The following NBEA variants were observed in gnomAD, a reference collection of about 807,000 sequenced individuals.
NBEA encodes the protein neurobeachin.
NBEA carries 44 observed loss-of-function variants against 343.4 expected under a neutral mutation model. That is an observed-to-expected ratio of 0.13 (90% CI 0.10 to 0.16). The LOEUF (loss-of-function observed/expected upper bound fraction) is 0.16, where lower values mean the gene tolerates loss of function less well. Ranked by LOEUF, NBEA falls within the 10% of genes least tolerant of loss-of-function variation. The probability of loss-of-function intolerance (pLI) is 1.00; values close to 1 mark genes in which losing one functional copy is unlikely to be tolerated. For missense variants in NBEA, 2,555 were observed against 3,631.3 expected (o/e 0.70, Z 7.62); for synonymous variants, 1,175 against 1,238.7 (o/e 0.95, Z 1.08).
intron 41 of NBEA, among the ~76,000 whole-genome samples, chr13:35,547,680 G>C (rs956083781): frequency 6.6e-6 from 1 of 152,114 alleles, no homozygotes; most frequent in African/African-American, 2.4e-5. Flanking sequence ...TTGAGATCAG[G>C]AGTTCGAGAC....
intron 1 of NBEA, among the ~76,000 whole-genome samples, chr13:34,991,115 A>G (rs1203485620): frequency 6.6e-6 from 1 of 152,204 alleles, no homozygotes; most frequent in African/African-American, 2.4e-5. Context: ...ACAAGTCTTT[A>G]GAAAGTTCCA....
intron 44 of NBEA, among the ~76,000 whole-genome samples, chr13:35,557,370 G>C: frequency 6.6e-6 from 1 of 152,104 alleles, no homozygotes. Context: ...AAAGGTTGCT[G>C]TGTCTAAATC....
At chr13:35,161,171 G>A (rs1256589307) in intron 22 of NBEA, among the ~76,000 whole-genome samples, 2 of 151,814 alleles carry the variant, frequency 1.3e-5, no homozygotes, top group Admixed American at 6.6e-5. Context: ...ATCGTGCGTT[G>A]TTTATTGAAC....
chr13:35,230,810 C>T (rs1284954896), intron 33 of NBEA, among the ~76,000 whole-genome samples: 1 of 151,960 alleles, frequency 6.6e-6, no homozygotes, highest in East Asian at 1.9e-4. Flanking sequence ...AAGTGTGTTT[C>T]CTGGATCAGC....
chr13:35,665,283 T>G, intron 56 of NBEA, 97 bp downstream of exon 56: 2 of 964,330 alleles, frequency 2.1e-6, no homozygotes, highest in Non-Finnish European at 3.2e-6. Flanking sequence ...AAGCTTCCCA[T>G]AGACAAATGG....
Position 35,143,890 on chromosome 13 carries a change from TCAAAAAAAAAAA to T in NBEA, c.2445+1532_2445+1543del, listed in dbSNP as rs551071924. Among the ~76,000 whole-genome samples, 465 of 135,278 alleles carry T rather than the reference TCAAAAAAAAAAA, an allele frequency of 3.4e-3. 3 individuals carry two copies. Among genetic ancestry groups the T allele is most frequent in the South Asian group, 5.8e-3 (23 of 3,962 alleles). 88.7% of individuals were successfully genotyped at this position (135,278 alleles called of 152,430 possible). On this transcript the variant is annotated intron_variant, in intron 18 of 58. Transcript: ENST00000379939. ...GTGACAAAGTGAGACCCTGTCCCCT[TCAAAAAAAAAAA>T]CAAAAAAAAAAACAAAAACAAATTT...
At chr13:35,488,538 G>A (rs1393665022) in intron 41 of NBEA, among the ~76,000 whole-genome samples, 1 of 151,814 alleles carries the variant, frequency 6.6e-6, no homozygotes, top group Non-Finnish European at 1.5e-5. Flanking sequence ...TCAATGACTA[G>A]CAAACTAATA....
At chr13:35,637,650 C>T (rs1470484109) in intron 49 of NBEA, among the ~76,000 whole-genome samples, 2 of 151,854 alleles carry the variant, frequency 1.3e-5, no homozygotes, top group Admixed American at 6.6e-5. Context: ...GGTGAAACTC[C>T]GTCTCTACTA....
intron 34 of NBEA, among the ~76,000 whole-genome samples, chr13:35,261,859 A>G (rs2033245465): frequency 6.6e-6 from 1 of 152,200 alleles, no homozygotes; most frequent in Non-Finnish European, 1.5e-5. Flanking sequence ...TATAAATCCT[A>G]ATATCCAAGA....
At chr13:35,488,270 G>C (rs1004371795) in intron 41 of NBEA, among the ~76,000 whole-genome samples, 4 of 151,848 alleles carry the variant, frequency 2.6e-5, no homozygotes, top group Admixed American at 6.6e-5. Flanking sequence ...CTCAGTTTAA[G>C]TGTAGAAGGA....
intron 1 of NBEA, among the ~76,000 whole-genome samples, chr13:34,977,709 G>C (rs891947733): frequency 2.6e-5 from 4 of 152,198 alleles, no homozygotes; most frequent in Admixed American, 1.3e-4. Flanking sequence ...TTCCCCTCCA[G>C]ATGAAGGCTA....
intron 36 of NBEA, among the ~76,000 whole-genome samples, chr13:35,342,756 A>G (rs1396482299): frequency 3.9e-5 from 6 of 152,004 alleles, no homozygotes; most frequent in Admixed American, 3.9e-4. Flanking sequence ...ATAGCAATGA[A>G]AAGAGTAGAA....
intron 5 of NBEA, among the ~76,000 whole-genome samples, chr13:35,049,886 A>G (rs2063004985): frequency 6.6e-6 from 1 of 151,594 alleles, no homozygotes; most frequent in African/African-American, 2.4e-5. Flanking sequence ...AGCTATTTTC[A>G]AAGGTATACC....
chr13:35,040,368 T>TC (rs2062604772), intron 1 of NBEA, among the ~76,000 whole-genome samples: 1 of 152,072 alleles, frequency 6.6e-6, no homozygotes, highest in South Asian at 2.1e-4. Flanking sequence ...CAATTCACAT[T>TC]TGTGCTTTAA....
At chr13:35,280,094 T>C (rs1467688975) in intron 34 of NBEA, among the ~76,000 whole-genome samples, 2 of 152,184 alleles carry the variant, frequency 1.3e-5, no homozygotes, top group Non-Finnish European at 2.9e-5. Flanking sequence ...ATACATGTTA[T>C]ATTATCCACA....
intron 44 of NBEA, among the ~76,000 whole-genome samples, chr13:35,562,577 A>G (rs2079909021): frequency 6.6e-6 from 1 of 151,824 alleles, no homozygotes; most frequent in South Asian, 2.1e-4. Context: ...AGCATTTTCC[A>G]CTTTTTTACT....
chr13:35,151,802 A>T (rs2068807158), intron 18 of NBEA, among the ~76,000 whole-genome samples: 1 of 152,068 alleles, frequency 6.6e-6, no homozygotes, highest in Non-Finnish European at 1.5e-5. Flanking sequence ...TAGGAATTGT[A>T]ATATTTATGA....
chr13:35,577,327 G>T (rs1176752963), intron 45 of NBEA, among the ~76,000 whole-genome samples: 2 of 152,180 alleles, frequency 1.3e-5, no homozygotes, highest in Admixed American at 6.5e-5. Flanking sequence ...TAGACCAAGA[G>T]TGGGGAAGGA....
In NBEA at chr13:35,594,984, CACACACAA is replaced by C. The variant is rs1452885857; in HGVS notation, c.7296+1539_7296+1546del. ...ACACACACACACACACACACACACA[CACACACAA>C]ATTGGCTTTTCAACTTAATTCAGAG... On this transcript the variant is annotated intron_variant, in intron 47 of 58. Coordinates refer to ENST00000379939, the MANE Select transcript of NBEA (RefSeq NM_001385012.1). Among the ~76,000 whole-genome samples, 745 of 150,658 alleles carry C rather than the reference CACACACAA, an allele frequency of 4.9e-3. 10 individuals carry two copies. The highest frequency in any genetic ancestry group is 0.017 in the African/African-American group (699 of 40,526).
Sources: allele counts gnomAD v4.1 joint callset (sites outside exome capture counted in the v4.1 genomes callset), GRCh38; gene constraint gnomAD v4.1.1; transcripts MANE v1.5; gene names NCBI Gene and HGNC (gene_info 2026-07-23, HGNC 2026-07-21).